The following HEATR4 variants were observed in gnomAD, a reference collection of about 807,000 sequenced individuals.
The protein encoded by HEATR4 is HEAT repeat-containing protein 4.
In HEATR4, 95 loss-of-function variants were observed where a neutral mutation model predicts 108.8. The observed-to-expected ratio is 0.87, with a 90% CI of 0.74 to 1.04. HEATR4 has a LOEUF of 1.04. Ranked by LOEUF, HEATR4 falls within the 50% of genes least tolerant of loss-of-function variation. The pLI is 0.00. For missense variants in HEATR4, 1,152 were observed against 1,253.8 expected (o/e 0.92, Z 1.23); for synonymous variants, 443 against 459.4 (o/e 0.96, Z 0.46).
chr14:73,567,179 C>G, the HEATR4 span, among the ~76,000 whole-genome samples: 1 of 152,088 alleles, frequency 6.6e-6, no homozygotes, highest in Non-Finnish European at 1.5e-5. Flanking sequence ...TTAAGCAACC[C>G]TGCCACCTCA....
intron 7 of HEATR4, among the ~76,000 whole-genome samples, chr14:73,511,577 A>AAT (rs918569690): frequency 1.3e-5 from 2 of 150,354 alleles, no homozygotes; most frequent in African/African-American, 4.9e-5. Flanking sequence ...AATAAAATAA[A>AAT]AAAGAATGGG....
the HEATR4 span, among the ~76,000 whole-genome samples, chr14:73,629,964 TATC>T: frequency 9.9e-5 from 15 of 151,384 alleles, no homozygotes; most frequent in South Asian, 2.1e-4. Context: ...ACTTATTTCT[TATC>T]ATTTTAAATT....
the HEATR4 span, chr14:73,592,196 G>A: frequency 1.2e-6 from 2 of 1,611,054 alleles, no homozygotes; most frequent in East Asian, 2.2e-5. Context: ...AGCCCATGGG[G>A]CTGCTCTGGG....
In HEATR4 at chr14:73,506,580, A is replaced by C; in HGVS notation, c.1882-9T>G. On this transcript the variant is annotated splice_polypyrimidine_tract_variant and intron_variant, in intron 9 of 17. Transcript: ENST00000553558. ...ATGGTGTGTATCAGGGTCTGAGGAA[A>C]TGGAAGACTTGTATGGATATTCACA... is the stretch of plus-strand genomic sequence containing the variant. 6.3e-7 allele frequency: 1 copy of C among 1,598,574 alleles called. No homozygotes were observed. The highest frequency in any genetic ancestry group is 8.6e-7 in the Non-Finnish European group (1 of 1,167,316).
At chr14:73,612,372 T>A in the HEATR4 span, 1 of 418,116 alleles carries the variant, frequency 2.4e-6, no homozygotes, top group Non-Finnish European at 4.1e-6. Flanking sequence ...TTTCAGCAGA[T>A]ACTCTTTCAT....
chr14:73,624,473 C>A, the HEATR4 span, among the ~76,000 whole-genome samples: 21 of 151,836 alleles, frequency 1.4e-4, no homozygotes, highest in Non-Finnish European at 2.6e-4. Flanking sequence ...GCAGTGGTAC[C>A]CACTTGTAGT....
intron 3 of HEATR4, 70 bp from the exon 4 acceptor site, chr14:73,521,109 C>T (rs184678229): frequency 5.5e-5 from 74 of 1,343,074 alleles, no homozygotes; most frequent in Admixed American, 2.0e-4. Flanking sequence ...CCATTAAATC[C>T]ACAGCTCGTT....
rs1431929302 is a variant in HEATR4 at position 73,538,676 on chromosome 14, A to C, written c.-151-8432T>G. Among the ~76,000 whole-genome samples, 3 of 111,200 alleles carry C rather than the reference A, an allele frequency of 2.7e-5. 1 individual carries two copies. Among genetic ancestry groups the C allele is most frequent in the African/African-American group, 8.8e-5 (3 of 34,114 alleles). The allele number at this position is 111,200 out of a possible 152,430, so 73.0% of individuals were successfully genotyped here. On this transcript the variant is annotated intron_variant, in intron 1 of 17. Coordinates refer to ENST00000553558, the MANE Select transcript of HEATR4 (RefSeq NM_001220484.1). Reference sequence around the variant, plus strand: ...AAGACACATAATATTAAAAACAAACAAAACAAAACAAAAAAAACAGGCCGG... The same window carrying C: ...AAGACACATAATATTAAAAACAAACCAAACAAAACAAAAAAAACAGGCCGG...
intron 16 of HEATR4, 84 bp from the exon 17 acceptor site, chr14:73,493,208 C>A: frequency 9.4e-7 from 1 of 1,061,980 alleles, no homozygotes; most frequent in South Asian, 1.3e-5. Context: ...ACTTCATCAC[C>A]TTCAGGCTTC....
the HEATR4 span, among the ~76,000 whole-genome samples, chr14:73,624,179 G>A: frequency 6.6e-6 from 1 of 151,934 alleles, no homozygotes; most frequent in Non-Finnish European, 1.5e-5. Context: ...CTGGAGTGCA[G>A]TGGTGCAATC....
At chr14:73,495,084 G>A (rs1025496507) in intron 16 of HEATR4, 144 bp downstream of exon 16, 4 of 599,698 alleles carry the variant, frequency 6.7e-6, no homozygotes, top group Non-Finnish European at 1.2e-5. Context: ...CAAAGACTGA[G>A]TGGATGGTAG....
At position 73,546,951 on chromosome 14, in the gene HEATR4, G is replaced by A. The variant is rs564412888; in HGVS notation, c.-152+11800C>T. Among the ~76,000 whole-genome samples, 5 of 107,146 alleles carry A rather than the reference G, an allele frequency of 4.7e-5. 1 individual carries two copies. In the South Asian group the frequency reaches 1.5e-3, roughly 32 times the overall value. 70.3% of individuals were successfully genotyped at this position (107,146 alleles called of 152,430 possible). A position where few individuals can be genotyped will look rare whatever the true frequency, so the allele number is the denominator to read the frequency against. The stretch of plus-strand genomic sequence containing the variant: ...AAAATACAAAAATTAGCCAGGTGTG[G>A]TGGCATGTGCCTGTAATCCCAGCTA... On this transcript the variant is annotated intron_variant, in intron 1 of 17. Transcript: ENST00000553558.
chr14:73,484,662 G>A (rs1233400407), intron 17 of HEATR4, among the ~76,000 whole-genome samples: 1 of 151,916 alleles, frequency 6.6e-6, no homozygotes, highest in South Asian at 2.1e-4. Context: ...TTACAGGCAT[G>A]AGCCACCACA....
upstream of HEATR4, among the ~76,000 whole-genome samples, chr14:73,563,014 T>C (rs1889551533): frequency 6.6e-6 from 1 of 151,942 alleles, no homozygotes; most frequent in Non-Finnish European, 1.5e-5. Flanking sequence ...TGGTTCTGCT[T>C]TTGCCTTTTG....
At chr14:73,544,996 AT>A (rs1296385562) in intron 1 of HEATR4, among the ~76,000 whole-genome samples, 1 of 110,358 alleles carries the variant, frequency 9.1e-6, no homozygotes, top group African/African-American at 2.9e-5. Context: ...AATAAACTTG[AT>A]TTTTTCTTAA....
At chr14:73,575,617 A>G in the HEATR4 span, 1 of 1,563,950 alleles carries the variant, frequency 6.4e-7, no homozygotes, top group Non-Finnish European at 8.6e-7. Flanking sequence ...TAATAACTAA[A>G]GTTTTTTCCC....
chr14:73,602,926 G>A, the HEATR4 span, among the ~76,000 whole-genome samples: 1 of 152,130 alleles, frequency 6.6e-6, no homozygotes, highest in Non-Finnish European at 1.5e-5. Context: ...ATTTTGGGAA[G>A]CCTGTTAAAT....
chr14:73,505,741 G>C (rs1179398450), intron 10 of HEATR4, among the ~76,000 whole-genome samples: 2 of 151,990 alleles, frequency 1.3e-5, no homozygotes, highest in Non-Finnish European at 2.9e-5. Context: ...AAGCAGCACA[G>C]ACACTCATTT....
chr14:73,599,836 C>T, the HEATR4 span, among the ~76,000 whole-genome samples: 3 of 152,194 alleles, frequency 2.0e-5, no homozygotes, highest in Non-Finnish European at 4.4e-5. Context: ...CCATCTTTGG[C>T]AAATACAGTC....
Sources: gnomAD v4.1 joint callset for allele counts (sites outside exome capture counted in the v4.1 genomes callset) on GRCh38, gnomAD v4.1.1 for gene constraint, MANE v1.5 for transcripts, NCBI Gene and HGNC (gene_info 2026-07-23, HGNC 2026-07-21) for gene names.